The following GREM2 variants were observed in gnomAD, a reference collection of about 807,000 sequenced individuals.
GREM2 encodes the protein gremlin 2, DAN family BMP antagonist, also known as gremlin-2.
GREM2 carries 11 observed loss-of-function variants against 14.2 expected under a neutral mutation model. The observed-to-expected ratio is 0.78, with a 90% confidence interval of 0.49 to 1.28. The LOEUF (loss-of-function observed/expected upper bound fraction) is 1.28, where lower values mean the gene tolerates loss of function less well. Ranked by LOEUF, GREM2 falls within the 50% of genes most tolerant of loss-of-function variation. The pLI, the probability that GREM2 is intolerant of heterozygous loss-of-function variation, is 0.00. For missense variants in GREM2, 210 were observed against 218.5 expected (o/e 0.96, Z 0.24); for synonymous variants, 98 against 97.6 (o/e 1.00, Z -0.02).
At chr1:240,609,221 C>T (rs1485130335) in intron 1 of GREM2, among the ~76,000 whole-genome samples, 1 of 152,058 alleles carries the variant, frequency 6.6e-6, no homozygotes, top group African/African-American at 2.4e-5. Flanking sequence ...ATCCCCTTAA[C>T]ATCCATGTGG....
intron 1 of GREM2, among the ~76,000 whole-genome samples, chr1:240,577,086 G>T (rs1679386844): frequency 1.3e-5 from 2 of 152,094 alleles, no homozygotes; most frequent in African/African-American, 4.8e-5. Context: ...CTTACAGTGG[G>T]TGCCAAAATA....
chr1:240,584,297 C>A (rs1009763672), intron 1 of GREM2, among the ~76,000 whole-genome samples: 4 of 151,782 alleles, frequency 2.6e-5, no homozygotes, highest in African/African-American at 9.7e-5. Context: ...GAGTTTGAGA[C>A]CAGCCTGACC....
At chr1:240,547,515 AT>A (rs1292124447) in intron 1 of GREM2, among the ~76,000 whole-genome samples, 4,631 of 63,390 alleles carry the variant, frequency 0.073, 80 homozygotes, top group African/African-American at 0.12. Context: ...AAAAAAAAAA[AT>A]ATATATATAT....
chr1:240,600,917 T>C (rs1558179512), intron 1 of GREM2, among the ~76,000 whole-genome samples: 1 of 152,236 alleles, frequency 6.6e-6, no homozygotes, highest in Non-Finnish European at 1.5e-5. Flanking sequence ...ATCAATGGTT[T>C]TGTTTAGAGT....
At chr1:240,563,055 T>C (rs543586372) in intron 1 of GREM2, among the ~76,000 whole-genome samples, 26 of 149,252 alleles carry the variant, frequency 1.7e-4, no homozygotes, top group African/African-American at 5.7e-4. Context: ...TGTATGTGTA[T>C]AGTGAGTGTG....
chr1:240,549,285 A>C (rs1572394081), intron 1 of GREM2, among the ~76,000 whole-genome samples: 1 of 151,790 alleles, frequency 6.6e-6, no homozygotes, highest in Admixed American at 6.6e-5. Context: ...GCGGTGAGCC[A>C]AGATCACACC....
intron 1 of GREM2, among the ~76,000 whole-genome samples, chr1:240,569,001 G>T (rs764026104): frequency 2.6e-5 from 4 of 151,960 alleles, no homozygotes; most frequent in Non-Finnish European, 5.9e-5. Context: ...CAGTGAACTA[G>T]GATTGTGCCT....
At chr1:240,515,015 G>A (rs1208051952) in intron 1 of GREM2, among the ~76,000 whole-genome samples, 3 of 152,184 alleles carry the variant, frequency 2.0e-5, no homozygotes, top group African/African-American at 4.8e-5. Flanking sequence ...AACACTTTCA[G>A]TGGAAATGTT....
At chr1:240,595,047 T>C (rs1679793515) in intron 1 of GREM2, among the ~76,000 whole-genome samples, 1 of 152,200 alleles carries the variant, frequency 6.6e-6, no homozygotes, top group Non-Finnish European at 1.5e-5. Flanking sequence ...GTATAATACA[T>C]ATAAACAAGG....
chr1:240,570,280 G>A (rs1679235857), intron 1 of GREM2, among the ~76,000 whole-genome samples: 1 of 152,084 alleles, frequency 6.6e-6, no homozygotes. Context: ...TGGCCAACAT[G>A]GTGAAACCCT....
At chr1:240,601,932 G>C (rs925434942) in intron 1 of GREM2, among the ~76,000 whole-genome samples, 5 of 144,442 alleles carry the variant, frequency 3.5e-5, no homozygotes, top group African/African-American at 1.3e-4. Context: ...AAAAAAAAAA[G>C]GATATTGTGT....
intron 1 of GREM2, among the ~76,000 whole-genome samples, chr1:240,511,138 A>G (rs1677817134): frequency 6.6e-6 from 1 of 152,174 alleles, no homozygotes; most frequent in African/African-American, 2.4e-5. Flanking sequence ...GATTATTATT[A>G]TAAGTTAGGT....
chr1:240,568,331 C>G (rs922227522), intron 1 of GREM2, among the ~76,000 whole-genome samples: 5 of 151,808 alleles, frequency 3.3e-5, no homozygotes, highest in African/African-American at 1.2e-4. Flanking sequence ...CAATAACAAA[C>G]AGTTATAGCA....
chr1:240,511,454 A>G (rs1421055868), intron 1 of GREM2, among the ~76,000 whole-genome samples: 1 of 152,218 alleles, frequency 6.6e-6, no homozygotes, highest in Non-Finnish European at 1.5e-5. Flanking sequence ...TAGGCCTTTT[A>G]TAAAAGGGAC....
chr1:240,496,839 G>A lies in GREM2; in HGVS notation c.-1-3363C>T, dbSNP rs193208101. 3.2e-4 allele frequency among the ~76,000 whole-genome samples: 48 copies of A among 152,178 alleles called. 1 individual carries two copies. The highest frequency in any genetic ancestry group is 1.6e-3 in the East Asian group (8 of 5,150). On this transcript the variant is annotated intron_variant, in intron 1 of 1. Transcript: ENST00000318160. ...AGCCTGGCCAAAATGGTGAAACCCC[G>A]TCTCTACTAAAAATACAAAAAAATT...
intron 1 of GREM2, among the ~76,000 whole-genome samples, chr1:240,493,963 C>A (rs1251493326): frequency 6.6e-6 from 1 of 152,236 alleles, no homozygotes; most frequent in Non-Finnish European, 1.5e-5. Flanking sequence ...CCAAATAATG[C>A]CTGGAAGGCA....
At chr1:240,502,322 A>AT (rs1323246692) in intron 1 of GREM2, among the ~76,000 whole-genome samples, 3 of 152,192 alleles carry the variant, frequency 2.0e-5, no homozygotes, top group Non-Finnish European at 1.5e-5. Context: ...GCAAAGCCTG[A>AT]TGAAACTATC....
At chr1:240,526,808 C>CA (rs1443373603) in intron 1 of GREM2, among the ~76,000 whole-genome samples, 16 of 152,216 alleles carry the variant, frequency 1.1e-4, no homozygotes, top group Non-Finnish European at 2.1e-4. Context: ...TTACACGCAG[C>CA]AAAAAATGGA....
intron 1 of GREM2, among the ~76,000 whole-genome samples, chr1:240,500,329 T>G (rs1216936950): frequency 1.3e-5 from 2 of 151,712 alleles, no homozygotes; most frequent in African/African-American, 4.8e-5. Context: ...GACAGAGTCT[T>G]GCTCTGTTGC....
Sources: gnomAD v4.1 joint callset for allele counts (sites outside exome capture counted in the v4.1 genomes callset) on GRCh38, gnomAD v4.1.1 for gene constraint, MANE v1.5 for transcripts, NCBI Gene and HGNC (gene_info 2026-07-23, HGNC 2026-07-21) for gene names.